Variants in G2E3 observed in about 807,000 individuals in gnomAD.
G2E3 encodes G2/M-phase specific E3 ubiquitin protein ligase.
In G2E3, 35 loss-of-function variants were observed where a neutral mutation model predicts 92.8. That is an observed-to-expected ratio of 0.38 (90% confidence interval 0.29 to 0.50). The LOEUF (loss-of-function observed/expected upper bound fraction) is 0.50, where lower values mean the gene tolerates loss of function less well. G2E3 is among the 20% of genes least tolerant of loss of function. The pLI is 0.94. For missense variants in G2E3, 554 were observed against 823.8 expected (o/e 0.67, Z 4.01); for synonymous variants, 242 against 272.4 (o/e 0.89, Z 1.10).
rs1232396884 is a variant in G2E3, at chr14:30,598,521, A to G, written c.674A>G (p.Glu225Gly). 1 of 1,613,706 alleles carries G rather than the reference A, an allele frequency of 6.2e-7. No individual in the cohort carries two copies. Residue 225 changes from glutamate to glycine, a missense_variant, in exon 8 of 15, where the codon GAG (glutamate) becomes GGG (glycine). By Grantham distance (98) the Glu-to-Gly change is moderately conservative. This residue lies in a region of G2E3 where 397 missense variants were observed against 560.3 expected (regional missense o/e 0.71). Transcript: ENST00000206595. Reference sequence around the variant, plus strand: ...GAATTAGAGGAAAACGCTTATCAAGAGCTTCTGCAGCACTATGAGCGTTGT... The same window carrying G: ...GAATTAGAGGAAAACGCTTATCAAGGGCTTCTGCAGCACTATGAGCGTTGT... The part of the protein sequence containing the change: ...SWELEENAYQ[E>G]LLQHYERCDV...
chr14:30,562,201 A>G (rs1879140761), intron 1 of G2E3, among the ~76,000 whole-genome samples: 1 of 152,154 alleles, frequency 6.6e-6, no homozygotes, highest in African/African-American at 2.4e-5. Context: ...GTGCCGAGGC[A>G]AGAGACTGGG....
intron 1 of G2E3, among the ~76,000 whole-genome samples, chr14:30,566,290 C>T (rs77422280): frequency 0.024 from 3,695 of 152,182 alleles, 84 homozygotes; most frequent in Middle Eastern, 0.048. Context: ...AAAAGGCCAT[C>T]GGGATTTTGA....
intron 1 of G2E3, among the ~76,000 whole-genome samples, chr14:30,570,744 G>T (rs960881053): frequency 6.6e-6 from 1 of 152,030 alleles, no homozygotes; most frequent in South Asian, 2.1e-4. Context: ...TTGATTGTGA[G>T]TTTTTTGCCA....
intron 1 of G2E3, chr14:30,559,685 T>A (rs1878973730): frequency 6.6e-6 from 1 of 152,088 alleles, no homozygotes; most frequent in African/African-American, 2.4e-5. Context: ...TAATGAAAGA[T>A]GGAAGGTTGG....
intron 2 of G2E3, among the ~76,000 whole-genome samples, chr14:30,582,769 A>G (rs1328757951): frequency 6.6e-6 from 1 of 152,186 alleles, no homozygotes; most frequent in Non-Finnish European, 1.5e-5. Flanking sequence ...GAAATCTTTT[A>G]AAGGGTTAGG....
intron 1 of G2E3, chr14:30,580,772 G>A (rs147795261): frequency 8.8e-6 from 2 of 227,342 alleles, no homozygotes; most frequent in Non-Finnish European, 1.7e-5. Flanking sequence ...ACTATCGTTT[G>A]TTGTGTAGGA....
At chr14:30,596,636 C>T (rs1306332056) in intron 6 of G2E3, among the ~76,000 whole-genome samples, 1 of 152,164 alleles carries the variant, frequency 6.6e-6, no homozygotes, top group Admixed American at 6.5e-5. Context: ...GACTTAGGTA[C>T]TCCTTCTTGT....
chr14:30,584,131 C>G (rs1217795303), intron 2 of G2E3, among the ~76,000 whole-genome samples: 2 of 151,930 alleles, frequency 1.3e-5, no homozygotes, highest in South Asian at 2.1e-4. Context: ...ATATTGTGAC[C>G]CTTTGTGTGT....
chr14:30,602,212 A>G, intron 10 of G2E3, 81 bp downstream of exon 10: 1 of 1,093,564 alleles, frequency 9.1e-7, no homozygotes, highest in South Asian at 1.5e-5. Context: ...CATTTAGAAT[A>G]TTAGGTGATC....
chr14:30,611,319 A>C (rs1444337631), intron 12 of G2E3: 1 of 152,174 alleles, frequency 6.6e-6, no homozygotes, highest in African/African-American at 2.4e-5. Context: ...TTTTGAGCAG[A>C]ATAGTCATGA....
At chr14:30,578,675 T>G (rs1880258349) in intron 1 of G2E3, among the ~76,000 whole-genome samples, 1 of 152,236 alleles carries the variant, frequency 6.6e-6, no homozygotes, top group Non-Finnish European at 1.5e-5. Flanking sequence ...TATGTTTAAG[T>G]GAAGTACTAT....
rs112634727 is a variant in G2E3, at chr14:30,614,276, C to G, written c.1674-1073C>G. On this transcript the variant is annotated intron_variant, in intron 13 of 14. Coordinates refer to ENST00000206595, the MANE Select transcript of G2E3 (RefSeq NM_017769.5). ...CTTAGCTCATTTTATGCTGCTATAA[C>G]AATACCTGAGACTTGGTAATTTATA... Among the ~76,000 whole-genome samples the G allele has an allele frequency of 9.7e-3, 1,474 of 152,236 alleles. 15 individuals are homozygous for G. The highest frequency in any genetic ancestry group is 0.014 in the Non-Finnish European group (963 of 68,018).
rs771046804 is a variant in G2E3 at position 30,593,635 on chromosome 14, T to C, written c.524T>C (p.Leu175Ser). The C allele has an allele frequency of 3.8e-6, 6 of 1,596,436 alleles. No homozygotes were observed. Among genetic ancestry groups the C allele is most frequent in the South Asian group, 3.3e-5 (3 of 89,808 alleles). Residue 175 changes from leucine to serine, a missense_variant, in exon 6 of 15, where the codon TTA becomes TCA. By Grantham distance (145) the Leu-to-Ser change is moderately radical. Transcript: ENST00000206595. ...AACGCTTGGTTTCATAGAGACTGTT[T>C]ACAGGTAAGATACATATTTTGTAAG... ...CKNAWFHRDC[L>S]QVQAINAGVF... is the part of the protein sequence containing the mutation.
intron 13 of G2E3, among the ~76,000 whole-genome samples, chr14:30,614,249 T>C (rs1255070740): frequency 6.6e-6 from 1 of 152,180 alleles, no homozygotes; most frequent in Non-Finnish European, 1.5e-5. Context: ...AACATGTGTG[T>C]TCTTAGCTCA....
At chr14:30,574,655 T>G (rs753569004) in intron 1 of G2E3, 1 of 152,214 alleles carries the variant, frequency 6.6e-6, no homozygotes, top group Non-Finnish European at 1.5e-5. Flanking sequence ...AGCTCCCACT[T>G]ACAAGTGAGA....
At chr14:30,572,297 GTCT>G (rs1322992467) in intron 1 of G2E3, among the ~76,000 whole-genome samples, 2 of 152,090 alleles carry the variant, frequency 1.3e-5, no homozygotes, top group African/African-American at 2.4e-5. Context: ...TCACAGTTTT[GTCT>G]TCTTTTCCCT....
intron 1 of G2E3, among the ~76,000 whole-genome samples, chr14:30,570,864 T>G (rs1385041052): frequency 1.3e-5 from 2 of 152,130 alleles, no homozygotes; most frequent in East Asian, 3.8e-4. Context: ...AGAAAATATA[T>G]TGTGGATCTA....
intron 12 of G2E3, among the ~76,000 whole-genome samples, chr14:30,609,870 G>C (rs1301488977): frequency 6.6e-6 from 1 of 151,976 alleles, no homozygotes; most frequent in Non-Finnish European, 1.5e-5. Flanking sequence ...CTGCCTCTAA[G>C]ACTGACTTAT....
Position 30,618,743 on chromosome 14 carries a change from T to G in G2E3, c.*2209T>G, listed in dbSNP as rs1317771042. On this transcript the variant is annotated 3_prime_UTR_variant, in exon 15 of 15. Coordinates refer to ENST00000206595, the MANE Select transcript of G2E3 (RefSeq NM_017769.5). ...ACCATTTTTAGATTAATCTGTATGG[T>G]CAAGGAATATCAGAGAAACCTGTAG... 1.3e-5 allele frequency: 2 copies of G among 152,096 alleles called. No individual in the cohort carries two copies. The highest frequency in any genetic ancestry group is 3.8e-4 in the East Asian group (2 of 5,204). 9.4% of individuals were successfully genotyped at this position (152,096 alleles called of 1,614,324 possible).
Sources: gnomAD v4.1 joint callset for allele counts (sites outside exome capture counted in the v4.1 genomes callset) on GRCh38, gnomAD v4.1.1 for gene constraint, gnomAD v4.1.1 regional missense constraint, MANE v1.5 for transcripts, NCBI Gene and HGNC (gene_info 2026-07-23, HGNC 2026-07-21) for gene names.